The following SPAG16 variants were observed in gnomAD, a reference collection of about 807,000 sequenced individuals.
SPAG16 encodes sperm associated antigen 16.
In SPAG16, 86 loss-of-function variants were observed where a neutral mutation model predicts 80.4. The observed-to-expected ratio is 1.07, with a 90% CI of 0.90 to 1.28. SPAG16 has a LOEUF of 1.28. SPAG16 is among the 50% of genes most tolerant of loss of function. SPAG16 has a pLI of 0.00. For missense variants in SPAG16, 870 were observed against 765.3 expected (o/e 1.14, Z -1.61); for synonymous variants, 294 against 265.9 (o/e 1.11, Z -1.03).
chr2:214,390,522 T>C (rs1701016204), intron 15 of SPAG16, among the ~76,000 whole-genome samples: 1 of 152,036 alleles, frequency 6.6e-6, no homozygotes, highest in Non-Finnish European at 1.5e-5. Flanking sequence ...CACAAACTGG[T>C]TAAAAACAGT....
At chr2:213,891,130 C>T (rs2076770818) in intron 11 of SPAG16, among the ~76,000 whole-genome samples, 1 of 151,926 alleles carries the variant, frequency 6.6e-6, no homozygotes, top group Non-Finnish European at 1.5e-5. Flanking sequence ...CATTAAAAAG[C>T]ATAATAACAA....
At chr2:213,449,341 G>C (rs1049995107) in intron 9 of SPAG16, among the ~76,000 whole-genome samples, 5 of 152,142 alleles carry the variant, frequency 3.3e-5, no homozygotes, top group African/African-American at 1.2e-4. Flanking sequence ...CCTTTGTCCT[G>C]TTCCCTCAGA....
At chr2:213,400,397 G>C (rs943657796) in intron 9 of SPAG16, among the ~76,000 whole-genome samples, 3 of 152,014 alleles carry the variant, frequency 2.0e-5, no homozygotes, top group African/African-American at 7.2e-5. Context: ...TTTGTTCTTT[G>C]TCCTGTGGCT....
At chr2:214,385,947 G>A (rs1466941635) in intron 15 of SPAG16, among the ~76,000 whole-genome samples, 1 of 152,194 alleles carries the variant, frequency 6.6e-6, no homozygotes, top group Non-Finnish European at 1.5e-5. Flanking sequence ...TAAAGTCATT[G>A]TATTGAATTT....
rs569754179 is a variant in SPAG16, at chr2:214,277,398, C to G, written c.1720+128132C>G. On this transcript the variant is annotated intron_variant, in intron 15 of 15. Transcript: ENST00000331683. ...TTTTAGAATTTTCATCTTTTCTCCT[C>G]TGGTTTCTCCCCATCTTTGTGGTTT... Among the ~76,000 whole-genome samples the G allele has an allele frequency of 1.6e-4, 24 of 152,290 alleles. No homozygotes were observed. The East Asian group carries it at 3.7e-3, about 23-fold the overall frequency.
intron 10 of SPAG16, among the ~76,000 whole-genome samples, chr2:213,857,995 C>T (rs2662657): frequency 1.3e-5 from 2 of 152,048 alleles, no homozygotes; most frequent in Non-Finnish European, 2.9e-5. Flanking sequence ...CCTGAAAATG[C>T]GATTCAATTG....
At chr2:214,053,460 G>A (rs528861939) in intron 13 of SPAG16, among the ~76,000 whole-genome samples, 2 of 152,116 alleles carry the variant, frequency 1.3e-5, no homozygotes, top group African/African-American at 4.8e-5. Context: ...GCAGGAGTAG[G>A]CCTCTAGAAA....
chr2:214,108,823 C>T (rs1452959335), intron 14 of SPAG16, among the ~76,000 whole-genome samples: 2 of 152,142 alleles, frequency 1.3e-5, no homozygotes, highest in Non-Finnish European at 2.9e-5. Context: ...ATTTTATCTG[C>T]CACTTGAGGT....
chr2:213,340,087 G>T, intron 5 of SPAG16, 76 bp from the exon 6 acceptor site: 1 of 893,088 alleles, frequency 1.1e-6, no homozygotes, highest in East Asian at 2.6e-5. Context: ...GCACAATACT[G>T]GATTTGAACT....
chr2:213,494,262 T>A (rs1331675187), intron 10 of SPAG16, among the ~76,000 whole-genome samples: 3 of 152,200 alleles, frequency 2.0e-5, no homozygotes, highest in African/African-American at 4.8e-5. Flanking sequence ...ATACTTTCCA[T>A]ATGGTGGTGT....
chr2:214,135,916 AAAGAG>A (rs1403894516), intron 14 of SPAG16, among the ~76,000 whole-genome samples: 1 of 152,168 alleles, frequency 6.6e-6, no homozygotes, highest in East Asian at 1.9e-4. Context: ...TTTATAAAGA[AAAGAG>A]CTTTGGGTGG....
chr2:214,408,366 T>A lies in SPAG16; in HGVS notation c.1721-1774T>A, dbSNP rs573253830. On this transcript the variant is annotated intron_variant, in intron 15 of 15. Coordinates refer to ENST00000331683, the MANE Select transcript of SPAG16 (RefSeq NM_024532.5). The stretch of plus-strand genomic sequence containing the variant: ...ATTGCCTATAGAGTGAGGTTGGAAG[T>A]GAAATCCATATGTAATGCCTCTGTC... Among the ~76,000 whole-genome samples, 7 of 152,210 alleles carry A rather than the reference T, an allele frequency of 4.6e-5. No individual in the cohort carries two copies. The South Asian group carries it at 1.5e-3, about 32-fold the overall frequency.
chr2:213,503,968 A>AT (rs977656473), intron 10 of SPAG16, among the ~76,000 whole-genome samples: 1 of 152,076 alleles, frequency 6.6e-6, no homozygotes, highest in East Asian at 1.9e-4. Context: ...TTACCATAGG[A>AT]TTTTTTAAGG....
chr2:213,589,501 G>C (rs2060603279), intron 10 of SPAG16, among the ~76,000 whole-genome samples: 3 of 152,312 alleles, frequency 2.0e-5, no homozygotes, highest in South Asian at 2.1e-4. Flanking sequence ...AATTGGAGCA[G>C]ATGGGACTGT....
chr2:213,963,925 G>T (rs1294126099), intron 12 of SPAG16, among the ~76,000 whole-genome samples: 1 of 151,996 alleles, frequency 6.6e-6, no homozygotes, highest in Admixed American at 6.6e-5. Context: ...TGAATCTAAA[G>T]TGTGTATTCG....
At chr2:213,865,019 G>T (rs544387984) in intron 11 of SPAG16, among the ~76,000 whole-genome samples, 1 of 152,178 alleles carries the variant, frequency 6.6e-6, no homozygotes, top group African/African-American at 2.4e-5. Context: ...AAAACAAGAT[G>T]ATAGTAAAAA....
intron 10 of SPAG16, among the ~76,000 whole-genome samples, chr2:213,557,992 C>T (rs1486949520): frequency 2.0e-5 from 3 of 151,900 alleles, no homozygotes; most frequent in African/African-American, 7.3e-5. Flanking sequence ...CATTTCTGAA[C>T]GATATTTATT....
chr2:213,767,197 G>T (rs1023414872), intron 10 of SPAG16, among the ~76,000 whole-genome samples: 1 of 152,184 alleles, frequency 6.6e-6, no homozygotes, highest in Admixed American at 6.5e-5. Context: ...TACCATCAAT[G>T]ATTTAAGTTG....
intron 15 of SPAG16, among the ~76,000 whole-genome samples, chr2:214,398,478 A>T (rs1316241488): frequency 6.6e-6 from 1 of 152,222 alleles, no homozygotes; most frequent in Non-Finnish European, 1.5e-5. Context: ...CCAAGTACTC[A>T]TCAGTGCCCT....
Sources: gnomAD v4.1 joint callset for allele counts (sites outside exome capture counted in the v4.1 genomes callset) on GRCh38, gnomAD v4.1.1 for gene constraint, MANE v1.5 for transcripts, NCBI Gene and HGNC (gene_info 2026-07-23, HGNC 2026-07-21) for gene names.